Variants in TMPRSS6 observed in about 807,000 individuals in gnomAD.
TMPRSS6 encodes transmembrane protease serine 6.
A neutral mutation model predicts 101.5 loss-of-function variants in TMPRSS6; 67 were observed. The ratio of observed to expected loss-of-function variants is 0.66; its 90% CI spans 0.54 to 0.81. The LOEUF is 0.81. TMPRSS6 is among the 30% of genes least tolerant of loss of function. The pLI, the probability that TMPRSS6 is intolerant of heterozygous loss-of-function variation, is 0.00. For synonymous variants in TMPRSS6, 453 were observed against 464.9 expected (o/e 0.97, Z 0.33); for missense variants, 1,034 against 1,088.7 (o/e 0.95, Z 0.71).
chr22:37,074,756 C>T, intron 11 of TMPRSS6, 48 bp from the exon 12 acceptor site: 1 of 1,594,754 alleles, frequency 6.3e-7, no homozygotes, highest in Non-Finnish European at 8.6e-7. Flanking sequence ...GCCATTAGGC[C>T]ATGCGTAGCC....
At chr22:37,076,000 GAAGAAAGA>G (rs765324891) in intron 10 of TMPRSS6, among the ~76,000 whole-genome samples, 3 of 145,012 alleles carry the variant, frequency 2.1e-5, no homozygotes, top group African/African-American at 5.4e-5. Flanking sequence ...AGAAAGAAAG[GAAGAAAGA>G]AAGAAAGAAG....
rs540141559 is a variant in TMPRSS6 at position 37,080,440 on chromosome 22, G to C, written c.1196+3855C>G. On this transcript the variant is annotated intron_variant, in intron 10 of 17. Transcript: ENST00000676104. Reference sequence around the variant, plus strand: ...CCATCAATGGGCATTCTGGGCCAAAGGGCTGTACCTCCCCCTCCCTAAAGT... The same window carrying C: ...CCATCAATGGGCATTCTGGGCCAAACGGCTGTACCTCCCCCTCCCTAAAGT... Among the ~76,000 whole-genome samples the C allele has an allele frequency of 2.5e-4, 38 of 152,370 alleles. 3 individuals carry two copies. The South Asian group carries it at 7.5e-3, about 30-fold the overall frequency.
chr22:37,104,885 T>A (rs901677716), intron 1 of TMPRSS6, among the ~76,000 whole-genome samples: 26 of 151,442 alleles, frequency 1.7e-4, no homozygotes, highest in African/African-American at 6.1e-4. Flanking sequence ...CACTTGAACC[T>A]GGTCAGGGGA....
At chr22:37,075,078 G>A (rs1927498787) in intron 11 of TMPRSS6, 57 bp downstream of exon 11, 7 of 1,613,128 alleles carry the variant, frequency 4.3e-6, no homozygotes, top group East Asian at 2.2e-5. Context: ...GTGGTTCCAG[G>A]GATGGCCAAG....
chr22:37,092,764 G>C (rs1038499910), intron 6 of TMPRSS6, among the ~76,000 whole-genome samples: 1 of 152,246 alleles, frequency 6.6e-6, no homozygotes, highest in African/African-American at 2.4e-5. Flanking sequence ...CCAAAGTGCT[G>C]GGATTACAGG....
intron 3 of TMPRSS6, among the ~76,000 whole-genome samples, chr22:37,097,999 G>A (rs1929961435): frequency 7.8e-6 from 1 of 128,360 alleles, no homozygotes; most frequent in African/African-American, 2.7e-5. Flanking sequence ...GTAACGGAGG[G>A]GCAGGAGCGG....
intron 13 of TMPRSS6, among the ~76,000 whole-genome samples, chr22:37,072,431 TGATGGATGATGGATG>T (rs1392854286): frequency 3.6e-5 from 2 of 56,120 alleles, no homozygotes; most frequent in Admixed American, 1.7e-4. Context: ...ATTGATGGAT[TGATGGATGATGGATG>T]GATGGATGAT....
At chr22:37,095,526 G>T (rs1929665197) in intron 6 of TMPRSS6, 25 bp downstream of exon 6, 1 of 1,611,908 alleles carries the variant, frequency 6.2e-7, no homozygotes, top group East Asian at 2.2e-5. Context: ...AAGGAAAATG[G>T]GGAGGGGAAA....
At position 37,084,359 on chromosome 22, in the gene TMPRSS6, C is replaced by G. The variant is rs144007816; in HGVS notation, c.1132G>C (p.Ala378Pro). Residue 378 changes from alanine (A) to proline (P), a missense_variant, in exon 10 of 18, where the codon GCA (alanine) becomes CCA (proline). Coordinates refer to ENST00000676104, the MANE Select transcript of TMPRSS6 (RefSeq NM_001374504.1). ...AAATCATACTTCTGCCTCCTCAGTG[C>G]ATAGGCATCAAACCAGAGGGCCAAG... is the stretch of plus-strand genomic sequence containing the variant. The part of the protein sequence containing the change: ...YGLALWFDAY[A>P]LRRQKYDLPC... The G allele has an allele frequency of 1.2e-6, 2 of 1,613,348 alleles. No individual in the cohort carries two copies. The highest frequency in any genetic ancestry group is 2.7e-5 in the African/African-American group (2 of 74,876).
chr22:37,103,407 G>A lies in TMPRSS6; in HGVS notation c.11C>T (p.Ala4Val). The A allele has an allele frequency of 6.2e-7, 1 of 1,614,194 alleles. No homozygotes were observed. Among genetic ancestry groups the A allele is most frequent in the Non-Finnish European group, 8.5e-7 (1 of 1,180,030 alleles). The change falls in exon 2 of 18, where the codon GCC becomes GTC. Residue 4 changes from alanine to valine, a missense_variant. Coordinates refer to ENST00000676104, the MANE Select transcript of TMPRSS6 (RefSeq NM_001374504.1). This position sits in a 1 kb window ranked among gnomAD's most constrained non-coding sequence, Gnocchi z 4.4. MPVAEAPQVAGGQG... is the reference protein window; with the variant it reads MPVVEAPQVAGGQG... ...CCCGCCAGCCACCTGGGGGGCCTCG[G>A]CCACGGGCATCCTGCCAGGGAAACA...
At chr22:37,076,565 G>A (rs140563239) in intron 10 of TMPRSS6, among the ~76,000 whole-genome samples, 87 of 152,302 alleles carry the variant, frequency 5.7e-4, no homozygotes, top group African/African-American at 2.0e-3. Context: ...CATGGGCCCA[G>A]GGGTTCCTCC....
chr22:37,102,977 G>C (rs547902151), intron 2 of TMPRSS6, among the ~76,000 whole-genome samples: 1 of 152,124 alleles, frequency 6.6e-6, no homozygotes, highest in South Asian at 2.1e-4. Context: ...GGGAGCTTTG[G>C]GGCACTTTGC....
At position 37,078,963 on chromosome 22, in the gene TMPRSS6, GAAAGAAAGAAAAAGAA is replaced by G. The variant is rs1569005936; in HGVS notation, c.1197-3699_1197-3684del. On this transcript the variant is annotated intron_variant, in intron 10 of 17. Transcript: ENST00000676104. ...AGAAGGAGAAGGAGAAAAAGAGAAAGAAAGAAAGAAAAAGAAAGAAAGAAAGAAAGAAAGAAAGAAA... is the reference window on the plus strand; with the variant it reads ...AGAAGGAGAAGGAGAAAAAGAGAAAGAGAAAGAAAGAAAGAAAGAAAGAAA... Among the ~76,000 whole-genome samples, 197 of 92,520 alleles carry G rather than the reference GAAAGAAAGAAAAAGAA, an allele frequency of 2.1e-3. 3 individuals carry two copies. Among genetic ancestry groups the G allele is most frequent in the African/African-American group, 6.6e-3 (177 of 26,756 alleles). 60.7% of individuals were successfully genotyped at this position (92,520 alleles called of 152,430 possible). A position where few individuals can be genotyped will look rare whatever the true frequency, so the allele number is the denominator to read the frequency against.
intron 10 of TMPRSS6, chr22:37,082,979 C>T (rs1928383989): frequency 4.2e-6 from 2 of 470,972 alleles, no homozygotes; most frequent in Non-Finnish European, 8.8e-6. Context: ...AAGCAAATTA[C>T]AAGTGTTGGT....
In TMPRSS6 at chr22:37,083,464, G is replaced by A. The variant is rs562971319; in HGVS notation, c.1196+831C>T. On this transcript the variant is annotated intron_variant, in intron 10 of 17. Transcript: ENST00000676104. ...ACATTTGAGATATGGAACCTCTCCCGTCTTAAATGTCCCCTTCCTTGAATT... is the reference window on the plus strand; with the variant it reads ...ACATTTGAGATATGGAACCTCTCCCATCTTAAATGTCCCCTTCCTTGAATT... 9.2e-5 allele frequency among the ~76,000 whole-genome samples: 14 copies of A among 152,288 alleles called. 1 individual carries two copies. The South Asian group carries it at 1.7e-3, about 18-fold the overall frequency.
At chr22:37,082,171 G>A (rs1928322131) in intron 10 of TMPRSS6, among the ~76,000 whole-genome samples, 1 of 152,166 alleles carries the variant, frequency 6.6e-6, no homozygotes, top group African/African-American at 2.4e-5. Context: ...CCATCTGCGT[G>A]CCACCTAATC....
chr22:37,072,321 GATGGATGA>G (rs1274533401), intron 13 of TMPRSS6, among the ~76,000 whole-genome samples: 45 of 145,996 alleles, frequency 3.1e-4, no homozygotes, highest in South Asian at 2.9e-3. Context: ...ATGGATGGAT[GATGGATGA>G]ATGGATGGAT....
intron 13 of TMPRSS6, among the ~76,000 whole-genome samples, chr22:37,072,793 GGAT>G (rs1278089301): frequency 4.0e-5 from 6 of 148,470 alleles, no homozygotes; most frequent in Admixed American, 6.7e-5. Flanking sequence ...ATGGACGGAT[GGAT>G]GATGGATGGA....
intron 1 of TMPRSS6, among the ~76,000 whole-genome samples, chr22:37,107,314 C>A (rs1466128542): frequency 6.6e-6 from 1 of 152,180 alleles, no homozygotes. Context: ...CATTCCCATC[C>A]TCTTGGGTTT....
Sources: allele counts gnomAD v4.1 joint callset (sites outside exome capture counted in the v4.1 genomes callset), GRCh38; gene constraint gnomAD v4.1.1; non-coding constraint Gnocchi (gnomAD v3.1); transcripts MANE v1.5; gene names NCBI Gene and HGNC (gene_info 2026-07-23, HGNC 2026-07-21).